The following TIAM1 variants were observed in gnomAD, a reference collection of about 807,000 sequenced individuals.
The protein encoded by TIAM1 is TIAM Rac1 associated GEF 1.
Under a neutral mutation model 163.5 loss-of-function variants are expected in TIAM1, and 65 were observed. That is an observed-to-expected ratio of 0.40 (90% CI 0.33 to 0.49). TIAM1 has a LOEUF of 0.49. Ranked by LOEUF, TIAM1 falls within the 20% of genes least tolerant of loss-of-function variation. The pLI, the probability that TIAM1 is intolerant of heterozygous loss-of-function variation, is 0.77. For synonymous variants in TIAM1, 833 were observed against 810.1 expected, an observed-to-expected ratio of 1.03 and a Z score of -0.48; for missense variants, 1,789 against 2,044.7, an observed-to-expected ratio of 0.87 and a Z score of 2.41.
intron 17 of TIAM1, among the ~76,000 whole-genome samples, chr21:31,153,427 G>A (rs1311685952): frequency 6.6e-6 from 1 of 152,264 alleles, no homozygotes; most frequent in Non-Finnish European, 1.5e-5. Context: ...AGGAATGAGC[G>A]TGGCTGTGTT....
intron 1 of TIAM1, among the ~76,000 whole-genome samples, chr21:31,533,037 A>G (rs1206255640): frequency 6.6e-6 from 1 of 152,236 alleles, no homozygotes; most frequent in African/African-American, 2.4e-5. Context: ...TTTTCAGGCC[A>G]GGCGTATCTC....
chr21:31,242,919 G>A (rs969271245), intron 6 of TIAM1, among the ~76,000 whole-genome samples: 3 of 150,290 alleles, frequency 2.0e-5, no homozygotes, highest in African/African-American at 7.3e-5. Flanking sequence ...AGGTGCAGTG[G>A]CTCAGGCCTG....
At chr21:31,511,163 C>T (rs2047199039) in intron 1 of TIAM1, among the ~76,000 whole-genome samples, 1 of 152,150 alleles carries the variant, frequency 6.6e-6, no homozygotes, top group Non-Finnish European at 1.5e-5. Context: ...TGCAGAACAA[C>T]GAGAGAATAA....
intron 1 of TIAM1, among the ~76,000 whole-genome samples, chr21:31,530,952 C>G (rs1256654298): frequency 6.6e-6 from 1 of 152,118 alleles, no homozygotes; most frequent in Non-Finnish European, 1.5e-5. Context: ...GGCTCCAAGT[C>G]AATCACAGCG....
At position 31,267,103 on chromosome 21, in the gene TIAM1, G is replaced by C. The variant is rs975986255; in HGVS notation, c.-11-120C>G. 9.5e-6 allele frequency: 13 copies of C among 1,375,320 alleles called. No individual in the cohort carries two copies. In the African/African-American group the frequency reaches 1.7e-4, roughly 18 times the overall value. The allele number at this position is 1,375,320 out of a possible 1,614,324, so 85.2% of individuals were successfully genotyped here. On this transcript the variant is annotated intron_variant, in intron 3 of 27. Coordinates refer to ENST00000541036, the MANE Select transcript of TIAM1 (RefSeq NM_001353694.2). ...ACACCTTGGCTCACAGGGGTTGTTAGGTAAGTAACAGCACAACTTCCTATA... is the reference window on the plus strand; with the variant it reads ...ACACCTTGGCTCACAGGGGTTGTTACGTAAGTAACAGCACAACTTCCTATA...
At chr21:31,220,244 A>G (rs1370875946) in intron 8 of TIAM1, among the ~76,000 whole-genome samples, 2 of 152,240 alleles carry the variant, frequency 1.3e-5, no homozygotes, top group Non-Finnish European at 2.9e-5. Context: ...TCTCTCCCAC[A>G]AGAATATAAG....
chr21:31,145,692 G>A (rs977550872), intron 20 of TIAM1, among the ~76,000 whole-genome samples: 1 of 152,192 alleles, frequency 6.6e-6, no homozygotes, highest in Non-Finnish European at 1.5e-5. Flanking sequence ...AAGGATAACT[G>A]AGACAACTTT....
chr21:31,210,635 AAG>A (rs2086723975), intron 10 of TIAM1, among the ~76,000 whole-genome samples: 3 of 26,992 alleles, frequency 1.1e-4, no homozygotes, highest in African/African-American at 2.0e-4. Flanking sequence ...GAAAGAAAGA[AAG>A]AAAGAAAGAA....
intron 2 of TIAM1, among the ~76,000 whole-genome samples, chr21:31,307,435 C>G (rs539374997): frequency 1.3e-5 from 2 of 152,122 alleles, no homozygotes; most frequent in Non-Finnish European, 2.9e-5. Flanking sequence ...ATCCAGAACA[C>G]GGCCAGAACT....
chr21:31,123,394 T>G (rs906452266), intron 27 of TIAM1, among the ~76,000 whole-genome samples: 1 of 152,174 alleles, frequency 6.6e-6, no homozygotes, highest in Admixed American at 6.5e-5. Flanking sequence ...CATGCGAAAC[T>G]GCGCATATGG....
At chr21:31,190,463 A>C (rs980386104) in intron 13 of TIAM1, among the ~76,000 whole-genome samples, 1 of 152,150 alleles carries the variant, frequency 6.6e-6, no homozygotes, top group African/African-American at 2.4e-5. Context: ...AAGATTCCTC[A>C]ACCTAGAAAA....
intron 2 of TIAM1, among the ~76,000 whole-genome samples, chr21:31,406,790 C>T (rs1018424463): frequency 1.3e-5 from 2 of 152,078 alleles, no homozygotes; most frequent in African/African-American, 4.8e-5. Flanking sequence ...CACTCTACCC[C>T]TCCTCATTCA....
At chr21:31,402,070 G>A (rs111644217) in intron 2 of TIAM1, among the ~76,000 whole-genome samples, 3,018 of 151,952 alleles carry the variant, frequency 0.02, 95 homozygotes, top group African/African-American at 0.07. Flanking sequence ...AAAATTAGCC[G>A]GGCGTGGTGG....
chr21:31,293,875 A>T (rs2074125587), intron 2 of TIAM1, among the ~76,000 whole-genome samples: 1 of 152,206 alleles, frequency 6.6e-6, no homozygotes, highest in Non-Finnish European at 1.5e-5. Context: ...GAAAACACAC[A>T]TATCCAGGAA....
chr21:31,191,725 T>C (rs1568998811), intron 13 of TIAM1, among the ~76,000 whole-genome samples: 1 of 152,250 alleles, frequency 6.6e-6, no homozygotes, highest in Non-Finnish European at 1.5e-5. Context: ...CCTGGTGCCC[T>C]GTCATACCCT....
intron 2 of TIAM1, among the ~76,000 whole-genome samples, chr21:31,402,969 A>G (rs1191357179): frequency 1.3e-5 from 2 of 152,000 alleles, no homozygotes; most frequent in Admixed American, 6.6e-5. Context: ...AAAAGTGACT[A>G]AACAATGTAT....
chr21:31,342,658 C>T (rs901534395), intron 1 of TIAM1, among the ~76,000 whole-genome samples: 3 of 152,106 alleles, frequency 2.0e-5, no homozygotes, highest in East Asian at 3.9e-4. Context: ...GGTGGAGGGG[C>T]GTGAGGGAGT....
upstream of TIAM1, among the ~76,000 whole-genome samples, chr21:31,345,360 A>C (rs2076128033): frequency 1.3e-5 from 2 of 152,084 alleles, no homozygotes; most frequent in African/African-American, 4.8e-5. Context: ...AATGCCAGCC[A>C]GGGATGCAGC....
intron 2 of TIAM1, among the ~76,000 whole-genome samples, chr21:31,308,813 C>T (rs909673726): frequency 5.3e-5 from 8 of 152,058 alleles, no homozygotes; most frequent in East Asian, 1.9e-4. Flanking sequence ...CAATAATGAG[C>T]GTCATTCTGT....
Sources: allele counts gnomAD v4.1 joint callset (sites outside exome capture counted in the v4.1 genomes callset), GRCh38; gene constraint gnomAD v4.1.1; transcripts MANE v1.5; gene names NCBI Gene and HGNC (gene_info 2026-07-23, HGNC 2026-07-21).